COL5A1: variants seen among roughly 807,000 people sequenced by gnomAD.
The protein encoded by COL5A1 is collagen alpha-1(V) chain.
Under a neutral mutation model 263.7 loss-of-function variants are expected in COL5A1, and 16 were observed. The observed-to-expected ratio is 0.06, with a 90% confidence interval of 0.04 to 0.09. The LOEUF is 0.09. COL5A1 is among the 10% of genes least tolerant of loss of function. The probability of loss-of-function intolerance (pLI) is 1.00; values close to 1 mark genes in which losing one functional copy is unlikely to be tolerated. For missense variants in COL5A1, 2,036 were observed against 2,540.5 expected (o/e 0.80, Z 4.27); for synonymous variants, 1,012 against 1,004.5 (o/e 1.01, Z -0.14).
chr9:134,642,354 C>T lies in COL5A1; in HGVS notation c.109+58C>T, dbSNP rs915458313. 7.1e-6 allele frequency: 3 copies of T among 420,134 alleles called. No individual in the cohort carries two copies. The highest frequency in any genetic ancestry group is 5.9e-5 in the East Asian group (1 of 16,874). The allele number at this position is 420,134 out of a possible 1,614,324, so 26.0% of individuals were successfully genotyped here. A position where few individuals can be genotyped will look rare whatever the true frequency, so the allele number is the denominator to read the frequency against. On this transcript the variant is annotated intron_variant, in intron 1 of 65. Coordinates refer to ENST00000371817, the MANE Select transcript of COL5A1 (RefSeq NM_000093.5). This position sits in a 1 kb window ranked among gnomAD's most constrained non-coding sequence, Gnocchi z 4.5. Reference sequence around the variant, plus strand: ...TGGGGCGCGCGCAGCCCGGGCGCCGCTGTCATCCCCGGGCGCCTTCGCCCG... The same window carrying T: ...TGGGGCGCGCGCAGCCCGGGCGCCGTTGTCATCCCCGGGCGCCTTCGCCCG...
At chr9:134,715,787 T>G (rs1006547066) in intron 4 of COL5A1, among the ~76,000 whole-genome samples, 1 of 152,248 alleles carries the variant, frequency 6.6e-6, no homozygotes, top group African/African-American at 2.4e-5. Context: ...ATTAACAGCA[T>G]CTCAAGTCAG....
At chr9:134,752,133 A>T (rs1173514385) in intron 13 of COL5A1, among the ~76,000 whole-genome samples, 1 of 152,160 alleles carries the variant, frequency 6.6e-6, no homozygotes, top group Non-Finnish European at 1.5e-5. Context: ...CTCCCAAAAT[A>T]CTTCCCCAGT....
chr9:134,822,778 C>CG (rs1839068325), intron 59 of COL5A1: 1 of 632,596 alleles, frequency 1.6e-6, no homozygotes, highest in African/African-American at 1.9e-5. Flanking sequence ...GTAGGCTGGC[C>CG]GGGGGCAGGT....
intron 62 of COL5A1, among the ~76,000 whole-genome samples, chr9:134,825,065 A>AGG (rs1320124709): frequency 6.6e-6 from 1 of 152,222 alleles, no homozygotes; most frequent in Non-Finnish European, 1.5e-5. Context: ...GCAGAGGCCA[A>AGG]GGCTTTGAGG....
intron 11 of COL5A1, among the ~76,000 whole-genome samples, chr9:134,746,292 T>C (rs1165759621): frequency 1.3e-5 from 2 of 152,224 alleles, no homozygotes; most frequent in African/African-American, 4.8e-5. Flanking sequence ...ACTGCCCTCC[T>C]GCTCCAGCTC....
At position 134,772,610 on chromosome 9, in the gene COL5A1, G is replaced by A. The variant is rs147488096; in HGVS notation, c.2287-180G>A. Among the ~76,000 whole-genome samples the A allele has an allele frequency of 0.012, 1,825 of 152,322 alleles. 34 individuals are homozygous for A. The highest frequency in any genetic ancestry group is 0.041 in the African/African-American group (1,684 of 41,566). On this transcript the variant is annotated intron_variant, in intron 25 of 65. Coordinates refer to ENST00000371817, the MANE Select transcript of COL5A1 (RefSeq NM_000093.5). ...GCCGAGGTTCAGGGCCTGGCGGCTC[G>A]GGGAGGCCGGGCTGTGCTTGGCTGC...
rs182811770 is a variant in COL5A1 at position 134,687,382 on chromosome 9, G to A, written c.110-3530G>A. ...ACAGGGCTGGAGCTTGGGTGGCCAA[G>A]GCACAGCAGGACACCTGCTATTCTC... On this transcript the variant is annotated intron_variant, in intron 1 of 65. Transcript: ENST00000371817. Among the ~76,000 whole-genome samples the A allele has an allele frequency of 1.5e-3, 224 of 152,246 alleles. 2 individuals carry two copies. Among genetic ancestry groups the A allele is most frequent in the African/African-American group, 5.2e-3 (214 of 41,536 alleles).
At position 134,818,098 on chromosome 9, in the gene COL5A1, G is replaced by C. The variant is rs574520960; in HGVS notation, c.4230+267G>C. ...GGGTGCGGGATTCAGGGAGCCCAAG[G>C]CTGAGTAGTTATGTCCCCCGGAGCC... is the stretch of plus-strand genomic sequence containing the variant. On this transcript the variant is annotated intron_variant, in intron 54 of 65. Transcript: ENST00000371817. This position sits in a 1 kb window ranked among gnomAD's most constrained non-coding sequence, Gnocchi z 6.0. Among the ~76,000 whole-genome samples, 377 of 152,342 alleles carry C rather than the reference G, an allele frequency of 2.5e-3. 2 individuals are homozygous for C. Among genetic ancestry groups the C allele is most frequent in the African/African-American group, 8.5e-3 (354 of 41,590 alleles).
chr9:134,695,813 A>T (rs898878916), intron 2 of COL5A1, among the ~76,000 whole-genome samples: 1 of 152,212 alleles, frequency 6.6e-6, no homozygotes, highest in Non-Finnish European at 1.5e-5. Context: ...GGTCCAGGCC[A>T]GAAGGTTCCA....
rs1177629993 is a variant in COL5A1, at chr9:134,763,871, C to T, written c.2034+134C>T. ...AGAGCTCGACCTGAGAACAGACGGA[C>T]CTGGGCATCTCCCAGGGAAGCCAAA... On this transcript the variant is annotated intron_variant, in intron 20 of 65. Coordinates refer to ENST00000371817, the MANE Select transcript of COL5A1 (RefSeq NM_000093.5). 4 of 865,386 alleles carry T rather than the reference C, an allele frequency of 4.6e-6. No homozygotes were observed. In the South Asian group the frequency reaches 6.8e-5, roughly 15 times the overall value. The allele number at this position is 865,386 out of a possible 1,614,324, so 53.6% of individuals were successfully genotyped here.
At chr9:134,699,459 G>A (rs7034557) in intron 2 of COL5A1, among the ~76,000 whole-genome samples, 3 of 148,300 alleles carry the variant, frequency 2.0e-5, no homozygotes, top group Non-Finnish European at 3.0e-5. Flanking sequence ...TCCTCCCTCC[G>A]TCTCTCTCCC....
At chr9:134,774,756 T>C in intron 26 of COL5A1, 103 bp from the exon 27 acceptor site, 2 of 1,227,788 alleles carry the variant, frequency 1.6e-6, no homozygotes, top group Non-Finnish European at 2.4e-6. Context: ...ATGTTCGCCC[T>C]GCTCTCAGCA....
intron 1 of COL5A1, among the ~76,000 whole-genome samples, chr9:134,672,034 G>A (rs192759963): frequency 1.8e-4 from 27 of 152,350 alleles, no homozygotes; most frequent in Admixed American, 3.9e-4. Flanking sequence ...AGACATTCCT[G>A]AGAAGTGCAA....
At position 134,690,052 on chromosome 9, in the gene COL5A1, G is replaced by A. The variant is rs571512912; in HGVS notation, c.110-860G>A. Reference sequence around the variant, plus strand: ...GCTCTGGCAGATGGGGCCGTCTTTTGTGTTGGAGGGTGACCATTGAGCTCC... The same window carrying A: ...GCTCTGGCAGATGGGGCCGTCTTTTATGTTGGAGGGTGACCATTGAGCTCC... On this transcript the variant is annotated intron_variant, in intron 1 of 65. Transcript: ENST00000371817. Among the ~76,000 whole-genome samples the A allele has an allele frequency of 1.4e-3, 207 of 152,314 alleles. 1 individual carries two copies. Among genetic ancestry groups the A allele is most frequent in the African/African-American group, 3.6e-3 (149 of 41,566 alleles).
At chr9:134,748,225 G>A (rs946883745) in intron 11 of COL5A1, among the ~76,000 whole-genome samples, 3 of 138,780 alleles carry the variant, frequency 2.2e-5, no homozygotes, top group Admixed American at 7.1e-5. Context: ...GCATTCATAT[G>A]CACACCCACA....
intron 28 of COL5A1, among the ~76,000 whole-genome samples, chr9:134,780,583 A>G (rs1016978724): frequency 1.4e-4 from 21 of 152,334 alleles, no homozygotes; most frequent in Admixed American, 5.2e-4. Flanking sequence ...AGAAACTCAC[A>G]GTGTGCAGCA....
chr9:134,733,238 A>T (rs920358527), intron 9 of COL5A1, among the ~76,000 whole-genome samples: 3 of 152,182 alleles, frequency 2.0e-5, no homozygotes, highest in African/African-American at 7.2e-5. Flanking sequence ...AGAGCTGGGG[A>T]CATTCTCTTG....
intron 2 of COL5A1, among the ~76,000 whole-genome samples, chr9:134,693,709 A>C (rs4076969): frequency 0.29 from 44,295 of 152,198 alleles, 7,705 homozygotes; most frequent in South Asian, 0.42. Context: ...CCCTCCGAGC[A>C]AACTCGCCAC....
chr9:134,819,248 G>A (rs143053726), intron 57 of COL5A1, among the ~76,000 whole-genome samples, 195 bp downstream of exon 57: 1 of 152,158 alleles, frequency 6.6e-6, no homozygotes, highest in Admixed American at 6.5e-5. Context: ...CTGCCTCTGG[G>A]GGGTCCTGAG....
Sources: allele counts gnomAD v4.1 joint callset (sites outside exome capture counted in the v4.1 genomes callset), GRCh38; gene constraint gnomAD v4.1.1; non-coding constraint Gnocchi (gnomAD v3.1); transcripts MANE v1.5; gene names NCBI Gene and HGNC (gene_info 2026-07-23, HGNC 2026-07-21).